Variants in NRXN3 observed in about 807,000 individuals in gnomAD.
The protein encoded by NRXN3 is neurexin 3.
In NRXN3, 32 loss-of-function variants were observed where a neutral mutation model predicts 137.6. The ratio of observed to expected loss-of-function variants is 0.23; its 90% CI spans 0.18 to 0.31. The LOEUF (loss-of-function observed/expected upper bound fraction) is 0.31, where lower values mean the gene tolerates loss of function less well. NRXN3 is among the 10% of genes least tolerant of loss of function. NRXN3 has a pLI of 1.00. For missense variants in NRXN3, 1,574 were observed against 2,062.5 expected, an observed-to-expected ratio of 0.76 and a Z score of 4.59; for synonymous variants, 798 against 784.5, an observed-to-expected ratio of 1.02 and a Z score of -0.29.
At chr14:78,817,847 CA>C (rs72050368) in intron 10 of NRXN3, among the ~76,000 whole-genome samples, 26,366 of 149,892 alleles carry the variant, frequency 0.18, 4,980 homozygotes, top group African/African-American at 0.46. Flanking sequence ...ACTGCCACCA[CA>C]AAAAAAAAGG....
chr14:79,189,185 C>T (rs1275522501), intron 15 of NRXN3, among the ~76,000 whole-genome samples: 1 of 151,886 alleles, frequency 6.6e-6, no homozygotes, highest in South Asian at 2.1e-4. Context: ...GGCACATATA[C>T]ACCATGGAAT....
Position 79,467,203 on chromosome 14 carries a change from C to A in NRXN3, c.3263-18C>A, listed in dbSNP as rs778172677. 2 of 1,586,344 alleles carry A rather than the reference C, an allele frequency of 1.3e-6. No homozygotes were observed. The highest frequency in any genetic ancestry group is 1.7e-5 in the Admixed American group (1 of 59,264). ...CAATGTAGTGCCTTGATGTCTCCCT[C>A]TCTCCTTGCTTTTGCAGCTGGCGCT... On this transcript the variant is annotated intron_variant, in intron 15 of 20. Transcript: ENST00000335750.
At chr14:79,830,711 A>G (rs1413644088) in intron 20 of NRXN3, among the ~76,000 whole-genome samples, 1 of 152,202 alleles carries the variant, frequency 6.6e-6, no homozygotes, top group African/African-American at 2.4e-5. Context: ...ATAGAGTTTG[A>G]GTAACCATAG....
In NRXN3 at chr14:79,198,173, A is replaced by T. The variant is rs1055832818; in HGVS notation, c.3262+210032A>T. 5.3e-5 allele frequency among the ~76,000 whole-genome samples: 8 copies of T among 152,358 alleles called. No individual in the cohort carries two copies. The South Asian group carries it at 8.3e-4, about 16-fold the overall frequency. On this transcript the variant is annotated intron_variant, in intron 15 of 20. Transcript: ENST00000335750. ...ATAACTTCTTTCTAATGTGATTTAT[A>T]TGAAATGGAAGCATGTTCTCCTTCC...
At chr14:79,361,355 C>T (rs1228368558) in intron 15 of NRXN3, among the ~76,000 whole-genome samples, 1 of 152,180 alleles carries the variant, frequency 6.6e-6, no homozygotes, top group Non-Finnish European at 1.5e-5. Context: ...CTGAGTCCAG[C>T]TGAATACATT....
chr14:78,525,447 C>G (rs747497049), intron 4 of NRXN3, among the ~76,000 whole-genome samples: 1 of 152,032 alleles, frequency 6.6e-6, no homozygotes, highest in Non-Finnish European at 1.5e-5. Flanking sequence ...TTTGCATAAC[C>G]AAGGAAATTA....
intron 15 of NRXN3, among the ~76,000 whole-genome samples, chr14:79,151,746 G>A (rs1435437490): frequency 2.0e-5 from 3 of 151,858 alleles, no homozygotes; most frequent in South Asian, 2.1e-4. Flanking sequence ...ACACCGTGAT[G>A]TGTCAGCAGC....
rs528019743 is a variant in NRXN3 at position 78,819,532 on chromosome 14, A to G, written c.2275+9188A>G. Among the ~76,000 whole-genome samples, 5 of 152,294 alleles carry G rather than the reference A, an allele frequency of 3.3e-5. No individual in the cohort carries two copies. The East Asian group carries it at 9.6e-4, about 29-fold the overall frequency. ...TTTTATATAAGGAACTTAAGCATCT[A>G]CAAATTTTGGTATTCACAAGGGTCC... On this transcript the variant is annotated intron_variant, in intron 10 of 20. Coordinates refer to ENST00000335750, the MANE Select transcript of NRXN3 (RefSeq NM_001330195.2).
chr14:78,699,808 G>A lies in NRXN3; in HGVS notation c.1222-9409G>A, dbSNP rs141611227. On this transcript the variant is annotated intron_variant, in intron 6 of 20. Coordinates refer to ENST00000335750, the MANE Select transcript of NRXN3 (RefSeq NM_001330195.2). ...AGAAGGAAATGTAGGCATTCTCTGG[G>A]TAGGTTTGTTTAGTGCCTAAGAAAA... is the stretch of plus-strand genomic sequence containing the variant. Among the ~76,000 whole-genome samples, 227 of 152,274 alleles carry A rather than the reference G, an allele frequency of 1.5e-3. 2 individuals are homozygous for A. The highest frequency in any genetic ancestry group is 5.3e-3 in the African/African-American group (219 of 41,562).
chr14:78,625,339 C>T (rs1449107572), intron 4 of NRXN3, among the ~76,000 whole-genome samples: 1 of 152,182 alleles, frequency 6.6e-6, no homozygotes, highest in African/African-American at 2.4e-5. Context: ...ACTCACCATA[C>T]CCAAAAGATA....
At chr14:79,098,159 C>T (rs191823588) in intron 15 of NRXN3, among the ~76,000 whole-genome samples, 47 of 152,132 alleles carry the variant, frequency 3.1e-4, no homozygotes, top group Admixed American at 1.2e-3. Flanking sequence ...TTATTATTGT[C>T]GAATTAAAGC....
At chr14:78,711,046 C>T (rs2152837268) in intron 7 of NRXN3, among the ~76,000 whole-genome samples, 1 of 152,312 alleles carries the variant, frequency 6.6e-6, no homozygotes, top group South Asian at 2.1e-4. Flanking sequence ...TTCTCCTTCT[C>T]TGCTTTTCAG....
chr14:79,049,022 CAAAAAAAAAAAAA>C (rs1171306670), intron 15 of NRXN3, among the ~76,000 whole-genome samples: 2 of 29,464 alleles, frequency 6.8e-5, no homozygotes, highest in Admixed American at 7.4e-4. Flanking sequence ...AACTCCGTCT[CAAAAAAAAAAAAA>C]AAAAAAAAAA....
intron 17 of NRXN3, among the ~76,000 whole-genome samples, chr14:79,676,793 T>G (rs139336781): frequency 1.3e-5 from 2 of 152,140 alleles, no homozygotes; most frequent in African/African-American, 4.8e-5. Context: ...AGGGACCCCC[T>G]TCACAGTTTG....
chr14:78,348,563 A>G (rs1038685835), intron 4 of NRXN3, among the ~76,000 whole-genome samples: 1 of 152,132 alleles, frequency 6.6e-6, no homozygotes, highest in African/African-American at 2.4e-5. Flanking sequence ...CTTCCCCCAT[A>G]TGGTTCTTGG....
intron 16 of NRXN3, among the ~76,000 whole-genome samples, chr14:79,504,641 T>TATATATATATATA (rs1555491923): frequency 1.1e-4 from 11 of 97,870 alleles, no homozygotes; most frequent in South Asian, 3.6e-4. Context: ...ATGAAGTTTT[T>TATATATATATATA]TATATATATA....
intron 19 of NRXN3, among the ~76,000 whole-genome samples, chr14:79,776,444 A>G (rs1320418084): frequency 6.6e-6 from 1 of 152,198 alleles, no homozygotes; most frequent in African/African-American, 2.4e-5. Context: ...ATCACGTGGC[A>G]GTCAAATAAC....
At chr14:79,558,559 C>CTTT (rs953058150) in intron 16 of NRXN3, among the ~76,000 whole-genome samples, 19 of 140,350 alleles carry the variant, frequency 1.4e-4, no homozygotes, top group Non-Finnish European at 2.3e-4. Flanking sequence ...TTCTCTCTCT[C>CTTT]TTTTTTTTTT....
intron 15 of NRXN3, among the ~76,000 whole-genome samples, chr14:79,396,502 T>C (rs1311106516): frequency 1.3e-5 from 2 of 152,142 alleles, no homozygotes; most frequent in African/African-American, 4.8e-5. Flanking sequence ...GAGCGGGTCC[T>C]GGTGCTGTTT....
Sources: gnomAD v4.1 joint callset for allele counts (sites outside exome capture counted in the v4.1 genomes callset) on GRCh38, gnomAD v4.1.1 for gene constraint, MANE v1.5 for transcripts, NCBI Gene and HGNC (gene_info 2026-07-23, HGNC 2026-07-21) for gene names.